DPP6: variants seen among roughly 807,000 people sequenced by gnomAD.
DPP6 encodes the protein dipeptidyl peptidase like 6, also known as A-type potassium channel modulatory protein DPP6.
In DPP6, 69 loss-of-function variants were observed where a neutral mutation model predicts 122.6. The ratio of observed to expected loss-of-function variants is 0.56; its 90% CI spans 0.46 to 0.69. The LOEUF is 0.69. DPP6 is among the 30% of genes least tolerant of loss of function. The probability of loss-of-function intolerance (pLI) is 0.00; values close to 1 mark genes in which losing one functional copy is unlikely to be tolerated. For synonymous variants in DPP6, 418 were observed against 433.1 expected (o/e 0.97, Z 0.43); for missense variants, 928 against 1,116.9 (o/e 0.83, Z 2.41).
At chr7:154,608,320 C>CATACATATATATATATATAT (rs1833688306) in intron 5 of DPP6, among the ~76,000 whole-genome samples, 1 of 89,960 alleles carries the variant, frequency 1.1e-5, no homozygotes, top group African/African-American at 3.5e-5. Flanking sequence ...TAGGAGTGAT[C>CATACATATATATATATATAT]ATATATATAT....
Position 154,483,629 on chromosome 7 carries a change from T to A in DPP6, c.457+8592T>A, listed in dbSNP as rs2151375037. On this transcript the variant is annotated intron_variant, in intron 3 of 25. Coordinates refer to ENST00000377770, the MANE Select transcript of DPP6 (RefSeq NM_130797.4). This position sits in a 1 kb window ranked among gnomAD's most constrained non-coding sequence, Gnocchi z 8.1. ...TGGGAGCTTCTGACTGGTTAGTCTT[T>A]AAGTTTCACTTTTCTTTAATATAGG... is the stretch of plus-strand genomic sequence containing the variant. 6.6e-6 allele frequency among the ~76,000 whole-genome samples: 1 copy of A among 152,364 alleles called. No homozygotes were observed. Among genetic ancestry groups the A allele is most frequent in the South Asian group, 2.1e-4 (1 of 4,828 alleles).
At chr7:154,880,833 A>T (rs1805328620) in intron 20 of DPP6, 55 bp from the exon 21 acceptor site, 4 of 1,613,838 alleles carry the variant, frequency 2.5e-6, no homozygotes, top group Admixed American at 1.7e-5. Context: ...CTACAGGAAG[A>T]CAAAGTGGCA....
chr7:154,548,954 A>G (rs1189688896), intron 4 of DPP6, among the ~76,000 whole-genome samples: 1 of 152,144 alleles, frequency 6.6e-6, no homozygotes, highest in African/African-American at 2.4e-5. Context: ...GCAAAATGAA[A>G]AGGGTGGATA....
intron 8 of DPP6, among the ~76,000 whole-genome samples, chr7:154,748,153 A>G (rs579864): frequency 0.62 from 94,523 of 152,018 alleles, 29,677 homozygotes; most frequent in Middle Eastern, 0.67. Flanking sequence ...ACAGCAGCCC[A>G]TGTAGAGGGG....
At chr7:154,593,050 G>A (rs1158635088) in intron 5 of DPP6, among the ~76,000 whole-genome samples, 1 of 152,166 alleles carries the variant, frequency 6.6e-6, no homozygotes, top group Non-Finnish European at 1.5e-5. Context: ...GAGCTGGGAT[G>A]GGAAGGAACA....
intron 3 of DPP6, among the ~76,000 whole-genome samples, chr7:154,498,617 C>T (rs139423313): frequency 0.02 from 3,068 of 152,262 alleles, 102 homozygotes; most frequent in African/African-American, 0.067. Flanking sequence ...AGATTACAGG[C>T]GTGAGCCACC....
chr7:153,989,819 G>A (rs549685406), intron 1 of DPP6, among the ~76,000 whole-genome samples: 13 of 152,052 alleles, frequency 8.5e-5, no homozygotes, highest in Admixed American at 6.5e-4. Context: ...GGCCAGGATA[G>A]GGACAGCATG....
intron 1 of DPP6, among the ~76,000 whole-genome samples, chr7:154,401,113 C>T (rs1457596146): frequency 6.6e-6 from 1 of 151,948 alleles, no homozygotes; most frequent in African/African-American, 2.4e-5. Context: ...AGGAGAATCA[C>T]TCGAACCTGG....
chr7:154,816,191 C>A (rs973385322), intron 16 of DPP6, among the ~76,000 whole-genome samples: 1 of 152,134 alleles, frequency 6.6e-6, no homozygotes, highest in African/African-American at 2.4e-5. Flanking sequence ...ATGGCAGTCC[C>A]CCCTTATCCA....
At chr7:154,518,374 T>C (rs1826702822) in intron 3 of DPP6, among the ~76,000 whole-genome samples, 1 of 152,230 alleles carries the variant, frequency 6.6e-6, no homozygotes, top group Non-Finnish European at 1.5e-5. Context: ...TCCATTAAAC[T>C]AAGTCAGGAT....
chr7:154,489,636 G>A (rs545886326), intron 3 of DPP6, among the ~76,000 whole-genome samples: 8 of 152,086 alleles, frequency 5.3e-5, no homozygotes, highest in Middle Eastern at 3.4e-3. Context: ...AGCCTAGACC[G>A]TCTCTTGGGT....
chr7:154,707,336 G>T (rs925807785), intron 7 of DPP6, among the ~76,000 whole-genome samples: 1 of 152,152 alleles, frequency 6.6e-6, no homozygotes, highest in Non-Finnish European at 1.5e-5. Context: ...TCTGTATTTT[G>T]TGGATAAGAA....
chr7:154,796,115 C>T (rs1024111397), intron 12 of DPP6: 2 of 569,990 alleles, frequency 3.5e-6, no homozygotes, highest in Non-Finnish European at 5.8e-6. Flanking sequence ...AAAATCACGG[C>T]TCTTCAGAGC....
At chr7:154,478,053 C>A (rs999030196) in intron 3 of DPP6, among the ~76,000 whole-genome samples, 1 of 152,006 alleles carries the variant, frequency 6.6e-6, no homozygotes, top group African/African-American at 2.4e-5. Context: ...TCTTCCCGCT[C>A]CCTAAAGAGG....
chr7:154,588,026 C>A, intron 5 of DPP6: 2 of 1,612,520 alleles, frequency 1.2e-6, no homozygotes, highest in Non-Finnish European at 1.7e-6. Context: ...CATCTGCTCA[C>A]CCCGGGGATA....
At chr7:154,236,088 G>C (rs758221246) in intron 1 of DPP6, among the ~76,000 whole-genome samples, 2 of 152,162 alleles carry the variant, frequency 1.3e-5, no homozygotes, top group Non-Finnish European at 1.5e-5. Context: ...CCTGACGTCA[G>C]GTGATCTGCC....
At chr7:154,390,572 G>A (rs1319109856) in intron 1 of DPP6, among the ~76,000 whole-genome samples, 1 of 152,134 alleles carries the variant, frequency 6.6e-6, no homozygotes, top group African/African-American at 2.4e-5. Flanking sequence ...GTAAGACATG[G>A]GTAAGAAGCA....
At chr7:153,776,734 G>A in the DPP6 span, among the ~76,000 whole-genome samples, 3 of 152,136 alleles carry the variant, frequency 2.0e-5, no homozygotes, top group African/African-American at 7.2e-5. Flanking sequence ...GACGGGACAT[G>A]CATATGAAAA....
At chr7:153,938,700 C>T (rs1340142997) in intron 1 of DPP6, among the ~76,000 whole-genome samples, 3 of 152,210 alleles carry the variant, frequency 2.0e-5, no homozygotes, top group African/African-American at 7.2e-5. Flanking sequence ...GCCTTCCCTG[C>T]AACTTCATTT....
Sources: allele counts gnomAD v4.1 joint callset (sites outside exome capture counted in the v4.1 genomes callset), GRCh38; gene constraint gnomAD v4.1.1; non-coding constraint Gnocchi (gnomAD v3.1); transcripts MANE v1.5; gene names NCBI Gene and HGNC (gene_info 2026-07-23, HGNC 2026-07-21).